Variants in MRTFB observed in about 807,000 individuals in gnomAD.
MRTFB encodes myocardin related transcription factor B.
A neutral mutation model predicts 104.2 loss-of-function variants in MRTFB; 29 were observed. The observed-to-expected ratio is 0.28, with a 90% CI of 0.21 to 0.38. The LOEUF is 0.38. MRTFB is among the 10% of genes least tolerant of loss of function. MRTFB has a pLI of 1.00. For missense variants in MRTFB, 1,270 were observed against 1,341.6 expected, an observed-to-expected ratio of 0.95 and a Z score of 0.83; for synonymous variants, 535 against 519.5, an observed-to-expected ratio of 1.03 and a Z score of -0.41.
intron 3 of MRTFB, among the ~76,000 whole-genome samples, chr16:14,202,038 A>G (rs1449802437): frequency 6.6e-6 from 1 of 152,096 alleles, no homozygotes; most frequent in Non-Finnish European, 1.5e-5. Flanking sequence ...TTATTTGTTT[A>G]ATTGAATAAG....
intron 2 of MRTFB, among the ~76,000 whole-genome samples, chr16:14,125,267 C>G (rs2037051691): frequency 6.6e-6 from 1 of 152,248 alleles, no homozygotes; most frequent in Non-Finnish European, 1.5e-5. Context: ...TTGAGGCCAC[C>G]TCGGCAAGGG....
chr16:14,022,316 G>A, the MRTFB span, among the ~76,000 whole-genome samples: 1 of 152,298 alleles, frequency 6.6e-6, no homozygotes, highest in African/African-American at 2.4e-5. Context: ...TCCTATCTCT[G>A]CAGAGGAGAT....
intron 2 of MRTFB, among the ~76,000 whole-genome samples, chr16:14,122,389 C>A (rs2036896452): frequency 6.6e-6 from 1 of 152,030 alleles, no homozygotes; most frequent in Non-Finnish European, 1.5e-5. Context: ...CACCCATCAG[C>A]CGGTCACCTA....
chr16:14,189,917 AAAACAGCCTTTATTAGC>A (rs2040102007), intron 3 of MRTFB, among the ~76,000 whole-genome samples: 1 of 152,188 alleles, frequency 6.6e-6, no homozygotes, highest in Non-Finnish European at 1.5e-5. Flanking sequence ...TTATGAGGGG[AAAACAGCCTTTATTAGC>A]AAACGCTGTA....
the MRTFB span, among the ~76,000 whole-genome samples, chr16:14,045,644 A>G: frequency 6.6e-6 from 1 of 152,268 alleles, no homozygotes; most frequent in Non-Finnish European, 1.5e-5. Context: ...GCTTGGATTC[A>G]CATTCTACCT....
chr16:14,117,475 G>GT (rs2036601611), intron 2 of MRTFB, among the ~76,000 whole-genome samples: 1 of 152,112 alleles, frequency 6.6e-6, no homozygotes. Flanking sequence ...TAATTATATA[G>GT]TTTTTTCTGT....
the MRTFB span, among the ~76,000 whole-genome samples, chr16:14,028,206 C>CAA: frequency 7.3e-5 from 11 of 151,196 alleles, no homozygotes; most frequent in African/African-American, 2.4e-4. Flanking sequence ...AAACACAACA[C>CAA]AACAAAACAA....
intron 2 of MRTFB, among the ~76,000 whole-genome samples, chr16:14,098,787 A>G (rs190561106): frequency 2.4e-4 from 37 of 152,314 alleles, no homozygotes; most frequent in African/African-American, 8.9e-4. Context: ...ATCAAAGTTC[A>G]TATTTCTTGC....
intron 1 of MRTFB, among the ~76,000 whole-genome samples, chr16:14,079,005 G>T (rs909264796): frequency 6.6e-6 from 1 of 152,132 alleles, no homozygotes; most frequent in African/African-American, 2.4e-5. Flanking sequence ...ATCTAATGCA[G>T]ATGCTCTGAG....
the MRTFB span, among the ~76,000 whole-genome samples, chr16:14,017,934 T>C: frequency 3.3e-5 from 5 of 151,140 alleles, no homozygotes; most frequent in African/African-American, 1.2e-4. Context: ...GTTGCCCAGA[T>C]TGGTCTTGAA....
At chr16:14,114,140 C>G (rs980801086) in intron 2 of MRTFB, among the ~76,000 whole-genome samples, 1 of 152,146 alleles carries the variant, frequency 6.6e-6, no homozygotes, top group African/African-American at 2.4e-5. Context: ...TGGTTGGAAA[C>G]TTTAATGTTG....
In MRTFB at chr16:14,158,232, A is replaced by G. The variant is rs1317826562; in HGVS notation, c.154+17472A>G. ...TTATAGATCCACCTACAAACAAGGC[A>G]CTGTGTTAGATTTTTCCATGTGTTT... On this transcript the variant is annotated intron_variant, in intron 3 of 16. Transcript: ENST00000571589. 2.0e-5 allele frequency among the ~76,000 whole-genome samples: 3 copies of G among 152,224 alleles called. No homozygotes were observed. The East Asian group carries it at 5.8e-4, about 29-fold the overall frequency.
At chr16:14,228,550 T>G (rs953681437) in intron 8 of MRTFB, among the ~76,000 whole-genome samples, 7 of 150,538 alleles carry the variant, frequency 4.6e-5, no homozygotes, top group African/African-American at 1.7e-4. Context: ...CACTCCAGCC[T>G]GGGCAACAGA....
the MRTFB span, among the ~76,000 whole-genome samples, chr16:14,031,074 C>T: frequency 6.6e-6 from 1 of 152,082 alleles, no homozygotes; most frequent in Admixed American, 6.6e-5. Context: ...GCCAGTAGCC[C>T]CAAATGAGAG....
At chr16:14,193,261 A>ATCCTATTCCG (rs1028060877) in intron 3 of MRTFB, among the ~76,000 whole-genome samples, 6 of 150,024 alleles carry the variant, frequency 4.0e-5, no homozygotes, top group Non-Finnish European at 7.4e-5. Flanking sequence ...TTAAAATGTA[A>ATCCTATTCCG]TCCTATTCCG....
Position 14,180,701 on chromosome 16 carries a change from C to T in MRTFB, c.155-29542C>T, listed in dbSNP as rs1004966837. ...TCCCACACAGCACTCTCCCTCAGTC[C>T]GAGCACAGGCCTGTCATGGGACCAT... On this transcript the variant is annotated intron_variant, in intron 3 of 16. Transcript: ENST00000571589. Among the ~76,000 whole-genome samples, 7 of 152,334 alleles carry T rather than the reference C, an allele frequency of 4.6e-5. No homozygotes were observed. The East Asian group carries it at 7.7e-4, about 17-fold the overall frequency.
chr16:14,041,004 A>G, the MRTFB span, among the ~76,000 whole-genome samples: 1 of 152,230 alleles, frequency 6.6e-6, no homozygotes. Flanking sequence ...ATGGTGGTAC[A>G]CACCTGTAGT....
chr16:14,045,465 C>G, the MRTFB span, among the ~76,000 whole-genome samples: 1 of 152,198 alleles, frequency 6.6e-6, no homozygotes, highest in Non-Finnish European at 1.5e-5. Context: ...GAGAGTGAAG[C>G]CAGCAGACAG....
intron 2 of MRTFB, among the ~76,000 whole-genome samples, chr16:14,115,605 A>G (rs1596909245): frequency 6.6e-6 from 1 of 152,200 alleles, no homozygotes; most frequent in Non-Finnish European, 1.5e-5. Context: ...GATGACATGT[A>G]CCACCCAGTG....
Sources: gnomAD v4.1 joint callset for allele counts (sites outside exome capture counted in the v4.1 genomes callset) on GRCh38, gnomAD v4.1.1 for gene constraint, MANE v1.5 for transcripts, NCBI Gene and HGNC (gene_info 2026-07-23, HGNC 2026-07-21) for gene names.